INTS6: variants seen among roughly 807,000 people sequenced by gnomAD.
INTS6 encodes integrator complex subunit 6, also known as DEAD box protein.
A neutral mutation model predicts 104.9 loss-of-function variants in INTS6; 16 were observed. That is an observed-to-expected ratio of 0.15 (90% CI 0.10 to 0.23). The LOEUF is 0.23. Among genes scored for constraint, INTS6 ranks in the 10% least tolerant of loss-of-function variants. INTS6 has a pLI of 1.00. For synonymous variants in INTS6, 324 were observed against 358.7 expected (o/e 0.90, Z 1.09); for missense variants, 584 against 1,062.8 (o/e 0.55, Z 6.26).
At chr13:51,426,582 C>T (rs1956989087) in intron 4 of INTS6, among the ~76,000 whole-genome samples, 1 of 152,056 alleles carries the variant, frequency 6.6e-6, no homozygotes, top group Non-Finnish European at 1.5e-5. Context: ...AGTATGTATC[C>T]TTATTTTATC....
chr13:51,429,785 A>AAAAAAAAATAT (rs1156333077), intron 4 of INTS6, among the ~76,000 whole-genome samples: 18 of 92,354 alleles, frequency 1.9e-4, no homozygotes, highest in African/African-American at 7.8e-4. Context: ...AAAAAAAAAA[A>AAAAAAAAATAT]ATATATATAT....
chr13:51,410,807 T>G (rs1316169287), intron 4 of INTS6, among the ~76,000 whole-genome samples: 1 of 152,146 alleles, frequency 6.6e-6, no homozygotes, highest in African/African-American at 2.4e-5. Context: ...TTGTATCCTA[T>G]CCAGAATATG....
At chr13:51,371,906 G>A (rs1156557957) in intron 15 of INTS6, among the ~76,000 whole-genome samples, 5 of 152,066 alleles carry the variant, frequency 3.3e-5, no homozygotes, top group African/African-American at 9.7e-5. Flanking sequence ...AGTGTCAATG[G>A]AGGGAGCATT....
intron 4 of INTS6, among the ~76,000 whole-genome samples, chr13:51,421,566 T>A (rs1354030122): frequency 6.6e-6 from 1 of 152,112 alleles, no homozygotes; most frequent in African/African-American, 2.4e-5. Flanking sequence ...CAGTATTACA[T>A]CTGAAAAGAA....
chr13:51,335,580 G>T, the INTS6 span, among the ~76,000 whole-genome samples: 1 of 152,188 alleles, frequency 6.6e-6, no homozygotes, highest in South Asian at 2.1e-4. Flanking sequence ...TTAAATATAT[G>T]CATAGTGTAT....
intron 3 of INTS6, among the ~76,000 whole-genome samples, chr13:51,435,964 C>T (rs1334253418): frequency 6.6e-6 from 1 of 151,956 alleles, no homozygotes; most frequent in Non-Finnish European, 1.5e-5. Context: ...ATTCCAAGGC[C>T]AGAATTACAA....
At chr13:51,434,456 A>G (rs1443614580) in intron 3 of INTS6, among the ~76,000 whole-genome samples, 1 of 152,132 alleles carries the variant, frequency 6.6e-6, no homozygotes, top group African/African-American at 2.4e-5. Flanking sequence ...TATTATTATC[A>G]TCCTCATTGT....
the INTS6 span, among the ~76,000 whole-genome samples, chr13:51,345,821 A>G: frequency 6.6e-6 from 1 of 152,254 alleles, no homozygotes; most frequent in African/African-American, 2.4e-5. Flanking sequence ...GTAAGGCCAG[A>G]GAAGCAGCTC....
chr13:51,411,075 T>C (rs1371726465), intron 4 of INTS6, among the ~76,000 whole-genome samples: 1 of 150,890 alleles, frequency 6.6e-6, no homozygotes, highest in Non-Finnish European at 1.5e-5. Flanking sequence ...TAGCTGGGTG[T>C]GGTGGCGGGT....
the INTS6 span, among the ~76,000 whole-genome samples, chr13:51,340,330 T>C: frequency 6.6e-6 from 1 of 152,242 alleles, no homozygotes; most frequent in African/African-American, 2.4e-5. Context: ...CTCTCTTCCT[T>C]GGAAGAGTAC....
intron 3 of INTS6, 127 bp downstream of exon 3, chr13:51,450,898 T>C (rs2138181291): frequency 1.5e-6 from 2 of 1,323,390 alleles, no homozygotes; most frequent in South Asian, 2.6e-5. Flanking sequence ...CTTTGAACAA[T>C]GTGCATATTC....
chr13:51,360,641 ATTTGC>A (rs761135746), downstream of INTS6, among the ~76,000 whole-genome samples: 14 of 152,014 alleles, frequency 9.2e-5, no homozygotes, highest in Admixed American at 3.9e-4. Flanking sequence ...CTAACCTCTC[ATTTGC>A]TTTGTAGATT....
At chr13:51,352,235 A>G (rs1252369370), downstream of INTS6, among the ~76,000 whole-genome samples, 1 of 152,122 alleles carries the variant, frequency 6.6e-6, no homozygotes, top group East Asian at 1.9e-4. Context: ...GTTCTGGGCC[A>G]TGAACTCAGA....
intron 5 of INTS6, among the ~76,000 whole-genome samples, chr13:51,391,272 A>C (rs2137951771): frequency 6.6e-6 from 1 of 152,218 alleles, no homozygotes. Flanking sequence ...AAAAAGCAAA[A>C]ATTTTAAAGT....
chr13:51,351,322 T>A (rs1479400198), downstream of INTS6, among the ~76,000 whole-genome samples: 1 of 152,168 alleles, frequency 6.6e-6, no homozygotes, highest in East Asian at 1.9e-4. Flanking sequence ...TTAATGACCA[T>A]CTTTTTATTT....
chr13:51,425,792 G>A (rs1378925927), intron 4 of INTS6, among the ~76,000 whole-genome samples: 1 of 151,960 alleles, frequency 6.6e-6, no homozygotes, highest in African/African-American at 2.4e-5. Context: ...TGATATATCA[G>A]TTATATAACA....
At chr13:51,445,031 T>C (rs1952880753) in intron 3 of INTS6, 1 of 152,168 alleles carries the variant, frequency 6.6e-6, no homozygotes, top group African/African-American at 2.4e-5. Context: ...TATTAAACTA[T>C]CCCTTGATTT....
Position 51,364,444 on chromosome 13 carries a change from T to G in INTS6, c.*1308A>C. ...AAAATACTTCAGTTTTTAAATGTTATAAGTTTATTTTGCCTACTCTTAATC... is the reference window on the plus strand; with the variant it reads ...AAAATACTTCAGTTTTTAAATGTTAGAAGTTTATTTTGCCTACTCTTAATC... On this transcript the variant is annotated 3_prime_UTR_variant, in exon 18 of 18. Coordinates refer to ENST00000311234, the MANE Select transcript of INTS6 (RefSeq NM_012141.3). 1 of 513,186 alleles carries G rather than the reference T, an allele frequency of 1.9e-6. No individual in the cohort carries two copies. The highest frequency in any genetic ancestry group is 3.4e-6 in the Non-Finnish European group (1 of 293,738). 31.8% of individuals were successfully genotyped at this position (513,186 alleles called of 1,614,324 possible). A position where few individuals can be genotyped will look rare whatever the true frequency, so the allele number is the denominator to read the frequency against.
chr13:51,391,192 ATATT>A (rs1434928528), intron 5 of INTS6, among the ~76,000 whole-genome samples: 1 of 152,148 alleles, frequency 6.6e-6, no homozygotes, highest in Admixed American at 6.5e-5. Flanking sequence ...TACATGCAAA[ATATT>A]AGAAGTTTAC....
Sources: allele counts gnomAD v4.1 joint callset (sites outside exome capture counted in the v4.1 genomes callset), GRCh38; gene constraint gnomAD v4.1.1; transcripts MANE v1.5; gene names NCBI Gene and HGNC (gene_info 2026-07-23, HGNC 2026-07-21).